Variants in PHF2 observed in about 807,000 individuals in gnomAD.
The protein encoded by PHF2 is PHD finger protein 2.
A neutral mutation model predicts 120.5 loss-of-function variants in PHF2; 27 were observed. The ratio of observed to expected loss-of-function variants is 0.22; its 90% CI spans 0.17 to 0.31. PHF2 has a LOEUF of 0.31. Among genes scored for constraint, PHF2 ranks in the 10% least tolerant of loss-of-function variants. The pLI is 1.00. For synonymous variants in PHF2, 568 were observed against 592.5 expected (o/e 0.96, Z 0.60); for missense variants, 1,024 against 1,434.8 (o/e 0.71, Z 4.63).
intron 1 of PHF2, among the ~76,000 whole-genome samples, chr9:93,602,923 C>T (rs949022403): frequency 2.6e-5 from 4 of 152,054 alleles, no homozygotes; most frequent in Non-Finnish European, 4.4e-5. Flanking sequence ...TCCCAGAGCC[C>T]GAGGCTGGGA....
intron 1 of PHF2, among the ~76,000 whole-genome samples, chr9:93,589,945 C>T (rs1863138855): frequency 1.3e-5 from 2 of 152,226 alleles, no homozygotes; most frequent in Non-Finnish European, 2.9e-5. Flanking sequence ...GCTCCTCCTG[C>T]ACTTCCTGCT....
chr9:93,587,526 C>A (rs1430892813), intron 1 of PHF2, among the ~76,000 whole-genome samples: 1 of 146,108 alleles, frequency 6.8e-6, no homozygotes, highest in Non-Finnish European at 1.5e-5. Context: ...GGAGGAGTCC[C>A]AGATAGTGGA....
In PHF2 at chr9:93,676,826, C is replaced by G. The variant is rs553835565; in HGVS notation, c.3065C>G (p.Ala1022Gly). The G allele has an allele frequency of 1.8e-5, 28 of 1,557,122 alleles. No homozygotes were observed. Among genetic ancestry groups the G allele is most frequent in the South Asian group, 1.8e-4 (15 of 84,530 alleles). Residue 1022 changes from alanine to glycine, a missense_variant, in exon 21 of 22, where the codon GCG (alanine) becomes GGG (glycine). Coordinates refer to ENST00000359246, the MANE Select transcript of PHF2 (RefSeq NM_005392.4). ...CCTGAGTCGCATAGCAGCAGCCTGG[C>G]GGACCATGAGTACACAGCCGCTGGC... is the stretch of plus-strand genomic sequence containing the variant. Reference protein sequence around the residue: ...PPPESHSSSLADHEYTAAGTF... With the variant: ...PPPESHSSSLGDHEYTAAGTF...
At chr9:93,578,568 C>G (rs1862877676) in intron 1 of PHF2, among the ~76,000 whole-genome samples, 1 of 152,236 alleles carries the variant, frequency 6.6e-6, no homozygotes, top group African/African-American at 2.4e-5. Context: ...TGTGTCAGCT[C>G]CTGGCTGCTG....
intron 1 of PHF2, among the ~76,000 whole-genome samples, chr9:93,594,351 T>G (rs890245822): frequency 6.6e-6 from 1 of 152,166 alleles, no homozygotes; most frequent in East Asian, 1.9e-4. Flanking sequence ...AGTCAGCCCC[T>G]CCCCTGCTTT....
chr9:93,659,718 C>T (rs1331496172), intron 11 of PHF2, 118 bp downstream of exon 11: 2 of 882,474 alleles, frequency 2.3e-6, no homozygotes, highest in Non-Finnish European at 3.6e-6. Flanking sequence ...AAGGCCAGTG[C>T]CCCAGATGGT....
intron 1 of PHF2, among the ~76,000 whole-genome samples, chr9:93,596,196 G>A (rs550186981): frequency 2.6e-5 from 4 of 152,268 alleles, no homozygotes; most frequent in African/African-American, 9.6e-5. Flanking sequence ...ACAGCTGTGG[G>A]TTAGGAGGAG....
At chr9:93,653,715 G>A (rs566531943) in intron 6 of PHF2, among the ~76,000 whole-genome samples, 7 of 152,324 alleles carry the variant, frequency 4.6e-5, no homozygotes, top group African/African-American at 1.4e-4. Context: ...CAGGAGCCAG[G>A]GGGCAGGAGA....
rs1272507959 is a variant in PHF2 at position 93,623,243 on chromosome 9, A to G, written c.99-6727A>G. ...GGGCTGCAAGAGCTCAACCAGCTCC[A>G]GGGCAATATATTATAACATGTATGC... On this transcript the variant is annotated intron_variant, in intron 1 of 21. Transcript: ENST00000359246. Among the ~76,000 whole-genome samples the G allele has an allele frequency of 2.0e-5, 3 of 152,350 alleles. No individual in the cohort carries two copies. In the East Asian group the frequency reaches 5.8e-4, roughly 29 times the overall value.
intron 1 of PHF2, among the ~76,000 whole-genome samples, chr9:93,583,826 C>CTTTTTTTTTTTTTT (rs113746371): frequency 2.1e-4 from 26 of 124,618 alleles, no homozygotes; most frequent in Middle Eastern, 4.7e-3. Flanking sequence ...TTTTTCTTTT[C>CTTTTTTTTTTTTTT]TTTTTTTTTT....
intron 5 of PHF2, among the ~76,000 whole-genome samples, chr9:93,650,444 A>G (rs1268734223): frequency 6.6e-6 from 1 of 152,064 alleles, no homozygotes; most frequent in Non-Finnish European, 1.5e-5. Context: ...CTACACTCAC[A>G]CACATGAGAT....
chr9:93,673,885 G>T (rs893582216), intron 18 of PHF2, 23 bp downstream of exon 18: 1 of 1,557,524 alleles, frequency 6.4e-7, no homozygotes, highest in South Asian at 1.2e-5. Context: ...CCTGCGTGGG[G>T]CAGGGCCCAT....
chr9:93,652,342 T>A (rs1316483831), intron 5 of PHF2, among the ~76,000 whole-genome samples: 1 of 145,942 alleles, frequency 6.9e-6, no homozygotes, highest in Non-Finnish European at 1.5e-5. Context: ...TTGCCCAGGC[T>A]GGAGGGCAGT....
chr9:93,652,154 C>T (rs1184094417), intron 5 of PHF2, among the ~76,000 whole-genome samples: 1 of 152,026 alleles, frequency 6.6e-6, no homozygotes, highest in Non-Finnish European at 1.5e-5. Context: ...CTGTGGCCTT[C>T]GAGTAGAGAC....
At chr9:93,624,477 CGGTG>C (rs1825874438) in intron 1 of PHF2, among the ~76,000 whole-genome samples, 2 of 138,188 alleles carry the variant, frequency 1.4e-5, no homozygotes, top group South Asian at 4.6e-4. Flanking sequence ...GATGGTGTGG[CGGTG>C]ATGGTGATGG....
chr9:93,633,600 A>C (rs1255234298), intron 2 of PHF2, among the ~76,000 whole-genome samples: 1 of 152,194 alleles, frequency 6.6e-6, no homozygotes, highest in Non-Finnish European at 1.5e-5. Flanking sequence ...CAGGAGGGGC[A>C]GTAGACCTCC....
chr9:93,629,229 C>A (rs1356495197), intron 1 of PHF2, among the ~76,000 whole-genome samples: 1 of 152,150 alleles, frequency 6.6e-6, no homozygotes, highest in African/African-American at 2.4e-5. Context: ...AAAAAAGTAT[C>A]AGAATAAAAC....
chr9:93,591,506 C>T (rs1825223809), intron 1 of PHF2, among the ~76,000 whole-genome samples: 1 of 152,220 alleles, frequency 6.6e-6, no homozygotes, highest in Non-Finnish European at 1.5e-5. Flanking sequence ...CCTCTTTTCA[C>T]AAGCGGGAAA....
At chr9:93,668,149 A>G (rs1185770543) in intron 17 of PHF2, among the ~76,000 whole-genome samples, 1 of 152,222 alleles carries the variant, frequency 6.6e-6, no homozygotes, top group Non-Finnish European at 1.5e-5. Context: ...TATTATGTTC[A>G]TGTAATATTG....
Sources: allele counts gnomAD v4.1 joint callset (sites outside exome capture counted in the v4.1 genomes callset), GRCh38; gene constraint gnomAD v4.1.1; transcripts MANE v1.5; gene names NCBI Gene and HGNC (gene_info 2026-07-23, HGNC 2026-07-21).